RUVBL1: variants seen among roughly 807,000 people sequenced by gnomAD.
RUVBL1 encodes the protein RuvB like AAA ATPase 1.
A neutral mutation model predicts 52.4 loss-of-function variants in RUVBL1; 4 were observed. The ratio of observed to expected loss-of-function variants is 0.08; its 90% CI spans 0.04 to 0.17. RUVBL1 has a LOEUF of 0.17. Ranked by LOEUF, RUVBL1 falls within the 10% of genes least tolerant of loss-of-function variation. The pLI, the probability that RUVBL1 is intolerant of heterozygous loss-of-function variation, is 1.00. For synonymous variants in RUVBL1, 217 were observed against 214.4 expected (o/e 1.01, Z -0.10); for missense variants, 298 against 572.8 (o/e 0.52, Z 4.90).
At chr3:128,065,066 T>G (rs1553721977) in exon 10 of RUVBL1, 1 of 1,612,374 alleles carries the variant, frequency 6.2e-7, no homozygotes, top group Non-Finnish European at 8.5e-7. Flanking sequence ...CCAGGGAGTT[T>G]CCATGGTCTG....
intron 1 of RUVBL1, among the ~76,000 whole-genome samples, chr3:128,152,994 CCCCCCCCG>C (rs1161078683): frequency 7.1e-3 from 212 of 29,952 alleles, no homozygotes; most frequent in Middle Eastern, 0.021. Flanking sequence ...GCCCACCCCG[CCCCCCCCG>C]CCCCCCTTCG....
chr3:128,068,448 T>C (rs1201563601), intron 9 of RUVBL1, among the ~76,000 whole-genome samples: 1 of 152,134 alleles, frequency 6.6e-6, no homozygotes, highest in East Asian at 1.9e-4. Flanking sequence ...AGCAGGCAGG[T>C]CCTGGCATCT....
chr3:128,069,750 G>C, intron 9 of RUVBL1: 1 of 1,054,838 alleles, frequency 9.5e-7, no homozygotes, highest in Non-Finnish European at 1.4e-6. Flanking sequence ...TGCGGCATAT[G>C]GACTTTTAAT....
intron 8 of RUVBL1, among the ~76,000 whole-genome samples, chr3:128,095,320 G>C (rs1404581104): frequency 6.6e-6 from 1 of 152,236 alleles, no homozygotes; most frequent in Non-Finnish European, 1.5e-5. Flanking sequence ...TCCCCAGCAG[G>C]GGGCACCATC....
chr3:128,069,526 C>T, intron 9 of RUVBL1: 3 of 1,613,936 alleles, frequency 1.9e-6, no homozygotes, highest in Non-Finnish European at 2.5e-6. Flanking sequence ...GGGGCCCTCT[C>T]GGTCCTGGCT....
intron 2 of RUVBL1, among the ~76,000 whole-genome samples, chr3:128,116,841 G>A (rs1392063979): frequency 6.6e-6 from 1 of 152,144 alleles, no homozygotes; most frequent in Admixed American, 6.5e-5. Flanking sequence ...CTTGGTTCCT[G>A]AGACACCATT....
chr3:128,093,236 A>G (rs1479444840), intron 8 of RUVBL1, among the ~76,000 whole-genome samples: 1 of 152,250 alleles, frequency 6.6e-6, no homozygotes, highest in Non-Finnish European at 1.5e-5. Context: ...GCCAGTCACA[A>G]AAGACCAGAT....
At chr3:128,111,217 C>T (rs1943385592) in intron 3 of RUVBL1, among the ~76,000 whole-genome samples, 3 of 50,262 alleles carry the variant, frequency 6.0e-5, no homozygotes, top group Non-Finnish European at 1.2e-4. Flanking sequence ...GAGACTCTCT[C>T]TCAAAAAAAA....
downstream of RUVBL1, among the ~76,000 whole-genome samples, chr3:128,079,476 G>A (rs1187664657): frequency 1.3e-5 from 2 of 152,204 alleles, no homozygotes; most frequent in Non-Finnish European, 2.9e-5. Flanking sequence ...AAGGCAACAT[G>A]GAACGCAGAG....
intron 1 of RUVBL1, among the ~76,000 whole-genome samples, chr3:128,151,327 A>G (rs372376483): frequency 9.4e-5 from 14 of 149,020 alleles, no homozygotes; most frequent in African/African-American, 3.5e-4. Context: ...AGCCTCCCAA[A>G]GTGCTGGGAT....
At chr3:128,144,775 C>T (rs1184425696) in intron 1 of RUVBL1, among the ~76,000 whole-genome samples, 3 of 152,192 alleles carry the variant, frequency 2.0e-5, no homozygotes, top group Non-Finnish European at 2.9e-5. Flanking sequence ...CTATAGGAGG[C>T]GTGAAGCAAC....
rs866560068 is a variant in RUVBL1 at position 128,082,290 on chromosome 3, T to C, written c.1211+193A>G. Reference sequence around the variant, plus strand: ...GGACATGGGGACTTCACCCTTACTCTAGCTTGTTAAAAACCATCAGATAGA... The same window carrying C: ...GGACATGGGGACTTCACCCTTACTCCAGCTTGTTAAAAACCATCAGATAGA... On this transcript the variant is annotated intron_variant, in intron 10 of 10. Coordinates refer to ENST00000322623, the MANE Select transcript of RUVBL1 (RefSeq NM_003707.3). The surrounding 1 kb of genome is among the most constrained non-coding windows in gnomAD (Gnocchi z 4.7). 2.5e-5 allele frequency: 14 copies of C among 557,306 alleles called. No homozygotes were observed. In the Middle Eastern group the frequency reaches 1.5e-3, roughly 59 times the overall value. 34.5% of individuals were successfully genotyped at this position (557,306 alleles called of 1,614,324 possible).
Position 128,081,022 on chromosome 3 carries a change from C to A in RUVBL1, c.*228G>T. 2.1e-6 allele frequency: 1 copy of A among 465,694 alleles called. No individual in the cohort carries two copies. Among genetic ancestry groups the A allele is most frequent in the Non-Finnish European group, 3.8e-6 (1 of 264,124 alleles). 28.8% of individuals were successfully genotyped at this position (465,694 alleles called of 1,614,324 possible). A position where few individuals can be genotyped will look rare whatever the true frequency, so the allele number is the denominator to read the frequency against. On this transcript the variant is annotated 3_prime_UTR_variant, in exon 11 of 11. Transcript: ENST00000322623. The surrounding 1 kb of genome is among the most constrained non-coding windows in gnomAD (Gnocchi z 4.8). ...AGAGAGAGAGAGAGAATCAAAATAACCTATGAAGATTTATAGAAAACACAC... is the reference window on the plus strand; with the variant it reads ...AGAGAGAGAGAGAGAATCAAAATAAACTATGAAGATTTATAGAAAACACAC...
Position 128,121,945 on chromosome 3 carries a change from G to A in RUVBL1, c.141+1639C>T, listed in dbSNP as rs567328189. Among the ~76,000 whole-genome samples the A allele has an allele frequency of 1.1e-4, 17 of 152,268 alleles. No individual in the cohort carries two copies. In the South Asian group the frequency reaches 1.9e-3, roughly 17 times the overall value. ...TTCTAACATTTAAAAAGAATTGGAA[G>A]GGTCTTTAAAAGATCACCTAGTCTA... On this transcript the variant is annotated intron_variant, in intron 1 of 10. Coordinates refer to ENST00000322623, the MANE Select transcript of RUVBL1 (RefSeq NM_003707.3).
chr3:128,077,142 G>A (rs1416018737), downstream of RUVBL1, among the ~76,000 whole-genome samples: 1 of 151,894 alleles, frequency 6.6e-6, no homozygotes, highest in African/African-American at 2.4e-5. Context: ...GCCGAGACGC[G>A]CGCTGATGGC....
chr3:128,081,514 G>A lies in RUVBL1; in HGVS notation c.1212-105C>T. ...ACTGGCACCAGGAGCAGAGCCCAGT[G>A]CTGGGCTTGTGCCAGCTGCTACGAA... On this transcript the variant is annotated intron_variant, in intron 10 of 10. Coordinates refer to ENST00000322623, the MANE Select transcript of RUVBL1 (RefSeq NM_003707.3). This position sits in a 1 kb window ranked among gnomAD's most constrained non-coding sequence, Gnocchi z 4.8. The A allele has an allele frequency of 6.6e-6, 8 of 1,217,530 alleles. No homozygotes were observed. Among genetic ancestry groups the A allele is most frequent in the South Asian group, 1.5e-5 (1 of 66,318 alleles). The allele number at this position is 1,217,530 out of a possible 1,614,324, so 75.4% of individuals were successfully genotyped here.
In RUVBL1 at chr3:128,123,550, T is replaced by G. The variant is rs199545668; in HGVS notation, c.141+34A>C. The G allele has an allele frequency of 1.2e-5, 18 of 1,541,294 alleles. No homozygotes were observed. The African/African-American group carries it at 2.2e-4, about 19-fold the overall frequency. On this transcript the variant is annotated intron_variant, in intron 1 of 10. Coordinates refer to ENST00000322623, the MANE Select transcript of RUVBL1 (RefSeq NM_003707.3). Reference sequence around the variant, plus strand: ...GCTCTCTCGCCGCAGCAGCCCTGCTTGCAGCCCCCAACTCCCTGGTCCACT... The same window carrying G: ...GCTCTCTCGCCGCAGCAGCCCTGCTGGCAGCCCCCAACTCCCTGGTCCACT...
intron 8 of RUVBL1, among the ~76,000 whole-genome samples, chr3:128,095,436 A>G (rs1942946729): frequency 6.6e-6 from 1 of 152,272 alleles, no homozygotes; most frequent in Non-Finnish European, 1.5e-5. Flanking sequence ...CATACCAGCC[A>G]TAAGGCCCAC....
downstream of RUVBL1, among the ~76,000 whole-genome samples, chr3:128,076,798 G>C (rs561459377): frequency 3.3e-5 from 5 of 152,116 alleles, no homozygotes; most frequent in Admixed American, 3.3e-4. The surrounding 1 kb of genome is among the most constrained non-coding windows in gnomAD (Gnocchi z 6.8). Flanking sequence ...CCCTGCATGC[G>C]GCTCCAGTGT....
Sources: gnomAD v4.1 joint callset for allele counts (sites outside exome capture counted in the v4.1 genomes callset) on GRCh38, gnomAD v4.1.1 for gene constraint, Gnocchi (gnomAD v3.1) non-coding constraint, MANE v1.5 for transcripts, NCBI Gene and HGNC (gene_info 2026-07-23, HGNC 2026-07-21) for gene names.